ADAMTS19: variants seen among roughly 807,000 people sequenced by gnomAD.
ADAMTS19 encodes ADAM metallopeptidase with thrombospondin type 1 motif 19.
ADAMTS19 carries 93 observed loss-of-function variants against 153.3 expected under a neutral mutation model. The observed-to-expected ratio is 0.61, with a 90% confidence interval of 0.51 to 0.72. ADAMTS19 has a LOEUF of 0.72. ADAMTS19 is among the 30% of genes least tolerant of loss of function. The pLI, the probability that ADAMTS19 is intolerant of heterozygous loss-of-function variation, is 0.00. For synonymous variants in ADAMTS19, 600 were observed against 556.6 expected (o/e 1.08, Z -1.10); for missense variants, 1,482 against 1,552.1 (o/e 0.95, Z 0.76).
intron 6 of ADAMTS19, among the ~76,000 whole-genome samples, chr5:129,534,903 G>C (rs962145692): frequency 2.0e-5 from 3 of 152,124 alleles, no homozygotes; most frequent in Non-Finnish European, 4.4e-5. Context: ...TAATAAATTA[G>C]CTATTGATGG....
At chr5:129,517,477 C>CAT (rs1218325770) in intron 3 of ADAMTS19, among the ~76,000 whole-genome samples, 1 of 151,734 alleles carries the variant, frequency 6.6e-6, no homozygotes, top group Non-Finnish European at 1.5e-5. Context: ...GTGTTGGTTG[C>CAT]ATATATATAT....
intron 6 of ADAMTS19, 79 bp downstream of exon 6, chr5:129,528,756 A>G (rs1411490659): frequency 8.6e-7 from 1 of 1,159,124 alleles, no homozygotes; most frequent in African/African-American, 1.6e-5. Flanking sequence ...CTTAATAGAT[A>G]ATGTTTTTAT....
intron 17 of ADAMTS19, 92 bp from the exon 18 acceptor site, chr5:129,684,028 G>A: frequency 7.4e-7 from 1 of 1,351,732 alleles, no homozygotes; most frequent in Non-Finnish European, 1.0e-6. Context: ...AACACAATGA[G>A]CATTTTAAGT....
At chr5:129,729,346 T>A (rs1055976421) in intron 21 of ADAMTS19, among the ~76,000 whole-genome samples, 2 of 152,016 alleles carry the variant, frequency 1.3e-5, no homozygotes, top group Non-Finnish European at 2.9e-5. Flanking sequence ...GTTTAGAAGA[T>A]AACTTGGGAT....
intron 6 of ADAMTS19, among the ~76,000 whole-genome samples, chr5:129,540,628 A>T (rs1299549637): frequency 6.6e-6 from 1 of 152,106 alleles, no homozygotes; most frequent in Non-Finnish European, 1.5e-5. Flanking sequence ...AAATTTAATA[A>T]AACATATGAA....
rs1476978573 is a variant in ADAMTS19 at position 129,592,754 on chromosome 5, C to G, written c.1373-3805C>G. Reference sequence around the variant, plus strand: ...CATTCTTTGTCTTACAGACCTCACCCTAGTCTATAAGAAGTTCTACTAATT... The same window carrying G: ...CATTCTTTGTCTTACAGACCTCACCGTAGTCTATAAGAAGTTCTACTAATT... On this transcript the variant is annotated intron_variant, in intron 7 of 22. Transcript: ENST00000274487. Among the ~76,000 whole-genome samples, 3 of 152,048 alleles carry G rather than the reference C, an allele frequency of 2.0e-5. No individual in the cohort carries two copies. In the East Asian group the frequency reaches 5.8e-4, roughly 29 times the overall value.
intron 2 of ADAMTS19, among the ~76,000 whole-genome samples, chr5:129,507,065 T>G (rs923803421): frequency 1.3e-5 from 2 of 151,908 alleles, no homozygotes; most frequent in African/African-American, 4.8e-5. Context: ...GCAATTAAAT[T>G]TTATAAGGTT....
At chr5:129,470,924 A>T (rs1382040891) in intron 2 of ADAMTS19, among the ~76,000 whole-genome samples, 2 of 152,024 alleles carry the variant, frequency 1.3e-5, no homozygotes, top group African/African-American at 2.4e-5. Flanking sequence ...TTTTGCCCTC[A>T]ACTCTTTTTG....
chr5:129,722,544 T>G (rs1428154349), intron 21 of ADAMTS19, among the ~76,000 whole-genome samples: 2 of 152,186 alleles, frequency 1.3e-5, no homozygotes, highest in Non-Finnish European at 2.9e-5. Flanking sequence ...ATTCTATAGG[T>G]GGCCTTTTCA....
intron 21 of ADAMTS19, among the ~76,000 whole-genome samples, chr5:129,713,573 C>A (rs544571875): frequency 1.3e-4 from 20 of 152,046 alleles, no homozygotes; most frequent in Non-Finnish European, 2.6e-4. Context: ...CCAGCCTGGC[C>A]AACATGGCAA....
At chr5:129,587,215 C>A (rs1749852556) in intron 7 of ADAMTS19, among the ~76,000 whole-genome samples, 1 of 152,018 alleles carries the variant, frequency 6.6e-6, no homozygotes, top group Admixed American at 6.6e-5. Flanking sequence ...TCATAATCTA[C>A]TAATCTCAAA....
intron 21 of ADAMTS19, among the ~76,000 whole-genome samples, chr5:129,732,574 C>A (rs145233225): frequency 1.3e-5 from 2 of 152,104 alleles, no homozygotes; most frequent in East Asian, 3.9e-4. Flanking sequence ...AATAACCACA[C>A]ACACAAAAGA....
intron 15 of ADAMTS19, among the ~76,000 whole-genome samples, chr5:129,660,594 G>T (rs1044660415): frequency 1.3e-4 from 19 of 151,942 alleles, no homozygotes; most frequent in South Asian, 6.2e-4. Context: ...TTAAAAATCA[G>T]TGACTCTTTT....
intron 17 of ADAMTS19, among the ~76,000 whole-genome samples, chr5:129,681,486 A>G (rs1241081708): frequency 6.6e-6 from 1 of 152,194 alleles, no homozygotes; most frequent in Non-Finnish European, 1.5e-5. Flanking sequence ...CTTTATGTTC[A>G]TTATAGCATT....
rs190343108 is a variant in ADAMTS19, at chr5:129,467,822, G to T, written c.747+6065G>T. Among the ~76,000 whole-genome samples, 258 of 152,290 alleles carry T rather than the reference G, an allele frequency of 1.7e-3. 4 individuals carry two copies. The highest frequency in any genetic ancestry group is 1.4e-3 in the East Asian group (7 of 5,180). The stretch of plus-strand genomic sequence containing the variant: ...AATCTTCCTCAAATACCTATTCCCC[G>T]GTTAGTACTTAGTTTTCCATCCTAG... On this transcript the variant is annotated intron_variant, in intron 2 of 22. Coordinates refer to ENST00000274487, the MANE Select transcript of ADAMTS19 (RefSeq NM_133638.6).
chr5:129,656,930 T>C (rs760385560), intron 14 of ADAMTS19, among the ~76,000 whole-genome samples: 3 of 152,212 alleles, frequency 2.0e-5, no homozygotes, highest in Non-Finnish European at 2.9e-5. Flanking sequence ...ATAAAGATAC[T>C]TTTATCATTT....
chr5:129,592,377 CAAAAAAA>C (rs1169388973), intron 7 of ADAMTS19, among the ~76,000 whole-genome samples: 5 of 79,570 alleles, frequency 6.3e-5, no homozygotes, highest in South Asian at 5.3e-4. Flanking sequence ...GTCTCCGTTT[CAAAAAAA>C]AAAAAAAAAA....
intron 13 of ADAMTS19, among the ~76,000 whole-genome samples, chr5:129,650,481 T>C (rs1753268864): frequency 6.6e-6 from 1 of 152,076 alleles, no homozygotes; most frequent in South Asian, 2.1e-4. Context: ...CCACTACTAG[T>C]GGTGGTGGGG....
At chr5:129,701,088 C>T (rs72502493) in intron 19 of ADAMTS19, among the ~76,000 whole-genome samples, 3 of 151,202 alleles carry the variant, frequency 2.0e-5, no homozygotes, top group African/African-American at 4.9e-5. Flanking sequence ...GGGTCTTTCC[C>T]GTGCTGTTCT....
Sources: gnomAD v4.1 joint callset for allele counts (sites outside exome capture counted in the v4.1 genomes callset) on GRCh38, gnomAD v4.1.1 for gene constraint, MANE v1.5 for transcripts, NCBI Gene and HGNC (gene_info 2026-07-23, HGNC 2026-07-21) for gene names.